The following PDE1C variants were observed in gnomAD, a reference collection of about 807,000 sequenced individuals.
The protein encoded by PDE1C is phosphodiesterase 1C, also known as dual specificity calcium/calmodulin-dependent 3',5'-cyclic nucleotide phosphodiesterase 1C.
Under a neutral mutation model 93.1 loss-of-function variants are expected in PDE1C, and 62 were observed. The ratio of observed to expected loss-of-function variants is 0.67; its 90% confidence interval spans 0.54 to 0.82. The LOEUF (loss-of-function observed/expected upper bound fraction) is 0.82, where lower values mean the gene tolerates loss of function less well. Ranked by LOEUF, PDE1C falls within the 40% of genes least tolerant of loss-of-function variation. The pLI is 0.00. For synonymous variants in PDE1C, 325 were observed against 310.1 expected (o/e 1.05, Z -0.50); for missense variants, 742 against 884.6 (o/e 0.84, Z 2.04).
chr7:32,364,340 A>T (rs951933904), intron 1 of PDE1C, among the ~76,000 whole-genome samples: 1 of 152,230 alleles, frequency 6.6e-6, no homozygotes, highest in Non-Finnish European at 1.5e-5. Flanking sequence ...ACAAATAAAC[A>T]GCTACAATTT....
intron 2 of PDE1C, among the ~76,000 whole-genome samples, chr7:31,955,847 A>G (rs1808059771): frequency 6.6e-6 from 1 of 152,170 alleles, no homozygotes; most frequent in African/African-American, 2.4e-5. Context: ...TCCAAAGTTC[A>G]CTGTCTAAGC....
intron 2 of PDE1C, among the ~76,000 whole-genome samples, chr7:32,031,767 T>C (rs1400128662): frequency 6.6e-6 from 1 of 151,802 alleles, no homozygotes; most frequent in Non-Finnish European, 1.5e-5. Flanking sequence ...GAATGTGAGG[T>C]ATGGAAAGTA....
chr7:31,666,751 G>A, the PDE1C span, among the ~76,000 whole-genome samples: 1 of 151,934 alleles, frequency 6.6e-6, no homozygotes. Flanking sequence ...GTCCCCTTAT[G>A]CCCCTTTTTG....
rs1037007432 is a variant in PDE1C at position 31,751,895 on chromosome 7, C to T, written c.*1489G>A. On this transcript the variant is annotated 3_prime_UTR_variant, in exon 18 of 18. Coordinates refer to ENST00000396191, the MANE Select transcript of PDE1C (RefSeq NM_001191057.4). ...CTCTTTACAATCAAGCCTGGAAGGT[C>T]GAGGCCATCCGGGAACAAACAGCTC... 3 of 152,132 alleles carry T rather than the reference C, an allele frequency of 2.0e-5. No individual in the cohort carries two copies. Among genetic ancestry groups the T allele is most frequent in the African/African-American group, 4.8e-5 (2 of 41,414 alleles). 9.4% of individuals were successfully genotyped at this position (152,132 alleles called of 1,614,324 possible). A position where few individuals can be genotyped will look rare whatever the true frequency, so the allele number is the denominator to read the frequency against.
chr7:31,943,293 G>A (rs774475469), intron 2 of PDE1C, among the ~76,000 whole-genome samples: 1 of 152,124 alleles, frequency 6.6e-6, no homozygotes, highest in Non-Finnish European at 1.5e-5. Flanking sequence ...GGATATGTGA[G>A]GTATAGCCCA....
intron 12 of PDE1C, among the ~76,000 whole-genome samples, chr7:31,826,320 T>A (rs906758645): frequency 6.6e-6 from 1 of 152,112 alleles, no homozygotes; most frequent in African/African-American, 2.4e-5. Flanking sequence ...AAAACAAGAA[T>A]TGTCTCAACC....
chr7:32,343,777 C>T (rs1348287097), intron 1 of PDE1C, among the ~76,000 whole-genome samples: 1 of 152,034 alleles, frequency 6.6e-6, no homozygotes, highest in African/African-American at 2.4e-5. Flanking sequence ...TCAAAGAAAA[C>T]AGATGCATTT....
chr7:31,695,372 C>G, the PDE1C span: 1 of 1,141,990 alleles, frequency 8.8e-7, no homozygotes, highest in Middle Eastern at 2.5e-4. Flanking sequence ...CAAATCACCT[C>G]TGTCCTGTCA....
At chr7:32,357,896 T>C (rs1784062603) in intron 1 of PDE1C, among the ~76,000 whole-genome samples, 1 of 152,192 alleles carries the variant, frequency 6.6e-6, no homozygotes, top group South Asian at 2.1e-4. Flanking sequence ...ATCTCAGAAG[T>C]GTCCAGCTTC....
chr7:31,771,977 C>T (rs567087270), intron 17 of PDE1C, among the ~76,000 whole-genome samples: 24 of 145,786 alleles, frequency 1.6e-4, no homozygotes, highest in East Asian at 1.6e-3. Flanking sequence ...ACCTGGGAGG[C>T]GGAGCTTGCA....
chr7:31,725,743 TC>T, the PDE1C span, among the ~76,000 whole-genome samples: 1 of 152,212 alleles, frequency 6.6e-6, no homozygotes, highest in Non-Finnish European at 1.5e-5. Context: ...TCATATTACT[TC>T]TTACAGCTGC....
the PDE1C span, among the ~76,000 whole-genome samples, chr7:31,695,296 T>C: frequency 2.0e-5 from 3 of 152,208 alleles, no homozygotes. Context: ...TATATGAATT[T>C]ATGCAAGGCT....
the PDE1C span, among the ~76,000 whole-genome samples, chr7:31,697,980 G>T: frequency 3.3e-5 from 5 of 152,180 alleles, no homozygotes. Context: ...AAGATGAGAT[G>T]ACTAGATGGA....
At chr7:32,405,970 C>T (rs1785043509) in intron 1 of PDE1C, among the ~76,000 whole-genome samples, 1 of 152,092 alleles carries the variant, frequency 6.6e-6, no homozygotes, top group African/African-American at 2.4e-5. Flanking sequence ...GTGATTGTGC[C>T]GTGTAGCTCA....
chr7:32,030,920 T>C (rs1235018182), intron 2 of PDE1C, among the ~76,000 whole-genome samples: 4 of 152,036 alleles, frequency 2.6e-5, no homozygotes, highest in Non-Finnish European at 5.9e-5. Context: ...TAAGTTTCTC[T>C]TGTCACTGTC....
At chr7:31,843,484 T>C (rs1792170439) in intron 9 of PDE1C, among the ~76,000 whole-genome samples, 1 of 151,906 alleles carries the variant, frequency 6.6e-6, no homozygotes, top group South Asian at 2.1e-4. Flanking sequence ...GCAGTTCATT[T>C]TAGCTAATAT....
chr7:32,274,985 C>A (rs141851302), intron 1 of PDE1C, among the ~76,000 whole-genome samples: 37 of 152,248 alleles, frequency 2.4e-4, no homozygotes, highest in Non-Finnish European at 3.8e-4. Flanking sequence ...CTCTACAAGT[C>A]GCTAAGTTTC....
intron 2 of PDE1C, among the ~76,000 whole-genome samples, chr7:32,040,868 T>G (rs1402732159): frequency 1.3e-5 from 2 of 152,072 alleles, no homozygotes; most frequent in African/African-American, 2.4e-5. Context: ...TTAAGTCCTA[T>G]TCCATGTGCC....
At chr7:32,175,465 TC>T (rs2128808604) in intron 2 of PDE1C, among the ~76,000 whole-genome samples, 1 of 152,292 alleles carries the variant, frequency 6.6e-6, no homozygotes, top group African/African-American at 2.4e-5. Context: ...GCAGAGGTAA[TC>T]TTTTTGCTGG....
Sources: allele counts gnomAD v4.1 joint callset (sites outside exome capture counted in the v4.1 genomes callset), GRCh38; gene constraint gnomAD v4.1.1; transcripts MANE v1.5; gene names NCBI Gene and HGNC (gene_info 2026-07-23, HGNC 2026-07-21).